PRKCA: variants seen among roughly 807,000 people sequenced by gnomAD.
PRKCA encodes the protein protein kinase C alpha.
In PRKCA, 27 loss-of-function variants were observed where a neutral mutation model predicts 87.0. That is an observed-to-expected ratio of 0.31 (90% CI 0.23 to 0.43). PRKCA has a LOEUF of 0.43. PRKCA is among the 20% of genes least tolerant of loss of function. The pLI is 1.00. For missense variants in PRKCA, 518 were observed against 852.3 expected, an observed-to-expected ratio of 0.61 and a Z score of 4.88; for synonymous variants, 329 against 311.1, an observed-to-expected ratio of 1.06 and a Z score of -0.61.
At chr17:66,623,603 G>A (rs1970756537) in intron 3 of PRKCA, among the ~76,000 whole-genome samples, 1 of 152,190 alleles carries the variant, frequency 6.6e-6, no homozygotes. Flanking sequence ...CCTCTTTTGG[G>A]TGCTGGAAGC....
intron 3 of PRKCA, among the ~76,000 whole-genome samples, chr17:66,627,547 G>C (rs576695491): frequency 1.3e-5 from 2 of 152,232 alleles, no homozygotes; most frequent in Admixed American, 1.3e-4. Context: ...AAAGTGAGAC[G>C]TGGAAGGGCA....
chr17:66,623,765 G>A lies in PRKCA; in HGVS notation c.289-17590G>A, dbSNP rs10451279. ...AAAGCTCTGGAGGGCCCCTTTAACCGAGAGAGTCAAGGAAAACCTGGAGGA... is the reference window on the plus strand; with the variant it reads ...AAAGCTCTGGAGGGCCCCTTTAACCAAGAGAGTCAAGGAAAACCTGGAGGA... On this transcript the variant is annotated intron_variant, in intron 3 of 16. Transcript: ENST00000413366. 4.8e-3 allele frequency among the ~76,000 whole-genome samples: 733 copies of A among 152,238 alleles called. 8 individuals carry two copies. Among genetic ancestry groups the A allele is most frequent in the African/African-American group, 0.015 (606 of 41,548 alleles).
intron 13 of PRKCA, among the ~76,000 whole-genome samples, chr17:66,748,787 G>A (rs1375911730): frequency 6.6e-6 from 1 of 152,092 alleles, no homozygotes; most frequent in Non-Finnish European, 1.5e-5. Flanking sequence ...GCAGAAACTT[G>A]AGCCAAAGTT....
At chr17:66,777,101 C>CAG in intron 14 of PRKCA, 1 of 450,130 alleles carries the variant, frequency 2.2e-6, no homozygotes, top group Non-Finnish European at 2.9e-6. Context: ...TATTATTTTA[C>CAG]AGAGAGAGAG....
At chr17:66,434,299 T>C (rs1217864393) in intron 2 of PRKCA, among the ~76,000 whole-genome samples, 1 of 151,866 alleles carries the variant, frequency 6.6e-6, no homozygotes, top group Non-Finnish European at 1.5e-5. Flanking sequence ...CCCGTCTTCA[T>C]TAGACTTTAC....
Position 66,728,402 on chromosome 17 carries a change from G to A in PRKCA, c.919-4286G>A, listed in dbSNP as rs756022725. Among the ~76,000 whole-genome samples, 12 of 152,304 alleles carry A rather than the reference G, an allele frequency of 7.9e-5. No individual in the cohort carries two copies. In the East Asian group the frequency reaches 1.5e-3, roughly 20 times the overall value. On this transcript the variant is annotated intron_variant, in intron 8 of 16. Coordinates refer to ENST00000413366, the MANE Select transcript of PRKCA (RefSeq NM_002737.3). ...CCTCCAGAAACTCAGCTCTGCTTCCGGCTGAAAAGAATCTGCCCAGGCAGA... is the reference window on the plus strand; with the variant it reads ...CCTCCAGAAACTCAGCTCTGCTTCCAGCTGAAAAGAATCTGCCCAGGCAGA...
At position 66,321,841 on chromosome 17, in the gene PRKCA, T is replaced by TA. The variant is rs997312496; in HGVS notation, c.205+15721dup. ...TTACAGGGTGTTAGCTAACTTGTCT[T>TA]AAAAAAATCTTTGATAGTTCCCAGA... On this transcript the variant is annotated intron_variant, in intron 2 of 16. Transcript: ENST00000413366. Among the ~76,000 whole-genome samples the TA allele has an allele frequency of 7.2e-5, 11 of 152,160 alleles. No homozygotes were observed. The South Asian group carries it at 8.3e-4, about 11-fold the overall frequency.
intron 3 of PRKCA, among the ~76,000 whole-genome samples, chr17:66,534,804 T>TC (rs1263719712): frequency 3.9e-5 from 6 of 152,336 alleles, no homozygotes; most frequent in Non-Finnish European, 8.8e-5. Context: ...GACTCTCTCC[T>TC]GTATGATTCT....
chr17:66,465,054 A>G (rs1000956248), intron 2 of PRKCA, among the ~76,000 whole-genome samples: 5 of 152,294 alleles, frequency 3.3e-5, no homozygotes, highest in East Asian at 1.9e-4. Context: ...GTTTCTTGGT[A>G]GAAACATAGT....
At chr17:66,567,328 T>C (rs1054438627) in intron 3 of PRKCA, among the ~76,000 whole-genome samples, 3 of 152,176 alleles carry the variant, frequency 2.0e-5, no homozygotes, top group African/African-American at 7.2e-5. Flanking sequence ...TTCTGGAACA[T>C]TCCAGAGCGT....
At chr17:66,484,544 T>A (rs1462486316) in intron 2 of PRKCA, among the ~76,000 whole-genome samples, 2 of 152,224 alleles carry the variant, frequency 1.3e-5, no homozygotes, top group East Asian at 3.8e-4. Flanking sequence ...TCTGACCAGC[T>A]CTTTGTCCAT....
chr17:66,477,399 T>TA (rs966313627), intron 2 of PRKCA, among the ~76,000 whole-genome samples: 1 of 152,114 alleles, frequency 6.6e-6, no homozygotes, highest in Admixed American at 6.5e-5. Flanking sequence ...TTTTAACTTT[T>TA]AAAAAATAAC....
intron 3 of PRKCA, among the ~76,000 whole-genome samples, chr17:66,537,851 G>T (rs1967839617): frequency 6.6e-6 from 1 of 152,150 alleles, no homozygotes; most frequent in South Asian, 2.1e-4. Flanking sequence ...TGTCACCCAG[G>T]CTGGAGTGCA....
At chr17:66,764,866 C>T (rs367866913) in intron 13 of PRKCA, among the ~76,000 whole-genome samples, 6 of 152,218 alleles carry the variant, frequency 3.9e-5, no homozygotes, top group Admixed American at 1.3e-4. Context: ...GACACCTGCT[C>T]CTATCCCCAT....
intron 2 of PRKCA, among the ~76,000 whole-genome samples, chr17:66,483,227 A>G (rs958485832): frequency 1.3e-5 from 2 of 152,144 alleles, no homozygotes; most frequent in African/African-American, 4.8e-5. Flanking sequence ...TTAAACAACG[A>G]AAGTGTGTTG....
chr17:66,324,092 C>G (rs1462959887), intron 2 of PRKCA, among the ~76,000 whole-genome samples: 1 of 151,780 alleles, frequency 6.6e-6, no homozygotes, highest in Non-Finnish European at 1.5e-5. Context: ...ACTGGAACAT[C>G]TGGTGGCAAA....
At chr17:66,352,076 C>T (rs1001228700) in intron 2 of PRKCA, among the ~76,000 whole-genome samples, 2 of 152,132 alleles carry the variant, frequency 1.3e-5, no homozygotes, top group African/African-American at 4.8e-5. Context: ...CCAATGTGGT[C>T]AGCTGTCTAC....
intron 3 of PRKCA, among the ~76,000 whole-genome samples, chr17:66,504,969 A>C (rs1173568543): frequency 2.0e-5 from 3 of 152,156 alleles, no homozygotes; most frequent in Non-Finnish European, 4.4e-5. Flanking sequence ...CCTCTGAGGA[A>C]GCCCGAGTCC....
At chr17:66,336,157 T>G (rs183555267) in intron 2 of PRKCA, among the ~76,000 whole-genome samples, 104 of 152,334 alleles carry the variant, frequency 6.8e-4, no homozygotes, top group Non-Finnish European at 1.2e-3. Context: ...TGCTTCATAT[T>G]TGTTGAATGA....
Sources: allele counts gnomAD v4.1 joint callset (sites outside exome capture counted in the v4.1 genomes callset), GRCh38; gene constraint gnomAD v4.1.1; transcripts MANE v1.5; gene names NCBI Gene and HGNC (gene_info 2026-07-23, HGNC 2026-07-21).